Variants in EXT1 observed in about 807,000 individuals in gnomAD.
EXT1 encodes the protein exostosin-1.
Under a neutral mutation model 82.5 loss-of-function variants are expected in EXT1, and 20 were observed. The observed-to-expected ratio is 0.24, with a 90% confidence interval of 0.17 to 0.35. The LOEUF (loss-of-function observed/expected upper bound fraction) is 0.35. Among genes scored for constraint, EXT1 ranks in the 10% least tolerant of loss-of-function variants. EXT1 has a pLI of 1.00. For synonymous variants in EXT1, 348 were observed against 350.8 expected (o/e 0.99, Z 0.09); for missense variants, 757 against 936.5 (o/e 0.81, Z 2.50).
chr8:117,888,499 CTA>C (rs147810070), intron 1 of EXT1, among the ~76,000 whole-genome samples: 18 of 149,356 alleles, frequency 1.2e-4, no homozygotes, highest in Admixed American at 1.3e-4. Flanking sequence ...AGTCACACCA[CTA>C]TATATATATA....
At chr8:117,948,163 AAGAAATAT>A (rs1403496098) in intron 1 of EXT1, among the ~76,000 whole-genome samples, 1 of 152,174 alleles carries the variant, frequency 6.6e-6, no homozygotes, top group Non-Finnish European at 1.5e-5. Flanking sequence ...AAAAAAAAAT[AAGAAATAT>A]CTAAATACAT....
chr8:117,964,045 T>C (rs1161101197), intron 1 of EXT1, among the ~76,000 whole-genome samples: 1 of 152,212 alleles, frequency 6.6e-6, no homozygotes, highest in Admixed American at 6.5e-5. Flanking sequence ...AAATATGCAG[T>C]ATTAAGTAGA....
chr8:117,943,996 T>C (rs1285561899), intron 1 of EXT1, among the ~76,000 whole-genome samples: 3 of 152,216 alleles, frequency 2.0e-5, no homozygotes, highest in Admixed American at 6.5e-5. Context: ...TAGTTTCAAC[T>C]ACCTTTCTCA....
intron 1 of EXT1, among the ~76,000 whole-genome samples, chr8:117,877,129 T>G (rs1812985142): frequency 6.6e-6 from 1 of 152,220 alleles, no homozygotes; most frequent in East Asian, 1.9e-4. Flanking sequence ...GAGTATCTTT[T>G]GCACGCTGCT....
chr8:117,803,324 A>T (rs1823194307), intron 10 of EXT1, among the ~76,000 whole-genome samples: 2 of 151,926 alleles, frequency 1.3e-5, no homozygotes, highest in African/African-American at 4.8e-5. Context: ...CCACCCGAGT[A>T]AGCTGGGATT....
In EXT1 at chr8:117,799,841, G is replaced by A; in HGVS notation, c.2112C>T (p.Cys704=). The change falls in exon 11 of 11, where the codon TGC becomes TGT. Residue 704 remains cysteine (C), a synonymous_variant. Coordinates refer to ENST00000378204, the MANE Select transcript of EXT1 (RefSeq NM_000127.3). ...CAAACCAGCTGGCAAACGTATTCAT[G>A]CAGCTCTGTCGCTGGGCAAAGTGGT... The part of the protein sequence containing the change: ...DPDHFAQRQS[C]MNTFASWFGY... The A allele has an allele frequency of 6.2e-7, 1 of 1,614,184 alleles. No homozygotes were observed. Among genetic ancestry groups the A allele is most frequent in the South Asian group, 1.1e-5 (1 of 91,084 alleles).
chr8:117,797,297 A>G lies in EXT1; in HGVS notation c.*2415T>C, dbSNP rs565298944. The G allele has an allele frequency of 3.3e-5, 5 of 152,390 alleles. No homozygotes were observed. The highest frequency in any genetic ancestry group is 3.3e-4 in the Admixed American group (5 of 15,308). The allele number at this position is 152,390 out of a possible 1,614,324, so 9.4% of individuals were successfully genotyped here. A position where few individuals can be genotyped will look rare whatever the true frequency, so the allele number is the denominator to read the frequency against. On this transcript the variant is annotated 3_prime_UTR_variant, in exon 11 of 11. Transcript: ENST00000378204. ...AAGAGATTTGCTCAGAGAATGACAT[A>G]AAATGAAACTGTGGAGATTTAAAGT...
chr8:117,916,053 T>G (rs1813743074), intron 1 of EXT1, among the ~76,000 whole-genome samples: 1 of 152,148 alleles, frequency 6.6e-6, no homozygotes, highest in African/African-American at 2.4e-5. Flanking sequence ...CTGCTTTTTT[T>G]GGCATTTCAC....
intron 1 of EXT1, among the ~76,000 whole-genome samples, chr8:117,872,792 C>T (rs1209195186): frequency 7.2e-6 from 1 of 138,704 alleles, no homozygotes; most frequent in Non-Finnish European, 1.6e-5. Context: ...CAAAGATCTC[C>T]AAACACATAT....
chr8:117,892,769 TG>T (rs1471192489), intron 1 of EXT1, among the ~76,000 whole-genome samples: 3 of 152,186 alleles, frequency 2.0e-5, no homozygotes, highest in African/African-American at 7.2e-5. Context: ...TGGTAAGAAC[TG>T]GTTGAATGCT....
chr8:117,935,856 G>A (rs1210158293), intron 1 of EXT1, among the ~76,000 whole-genome samples: 1 of 152,152 alleles, frequency 6.6e-6, no homozygotes, highest in African/African-American at 2.4e-5. Context: ...AACACTAAGG[G>A]CAGGTATAAT....
intron 1 of EXT1, among the ~76,000 whole-genome samples, chr8:117,851,506 C>T (rs989849052): frequency 1.9e-4 from 29 of 150,836 alleles, no homozygotes; most frequent in Non-Finnish European, 3.2e-4. Context: ...TGCCACGTTT[C>T]GGATTTTTTT....
chr8:117,900,695 C>T lies in EXT1; in HGVS notation c.963-63494G>A, dbSNP rs541465791. Among the ~76,000 whole-genome samples, 13 of 152,292 alleles carry T rather than the reference C, an allele frequency of 8.5e-5. No individual in the cohort carries two copies. In the South Asian group the frequency reaches 2.1e-3, roughly 24 times the overall value. On this transcript the variant is annotated intron_variant, in intron 1 of 10. Coordinates refer to ENST00000378204, the MANE Select transcript of EXT1 (RefSeq NM_000127.3). Reference sequence around the variant, plus strand: ...AGAGGCATGGGGCCAGCCAGAGACCCAGCTTCCATAGCACAGGCTGCTGTT... The same window carrying T: ...AGAGGCATGGGGCCAGCCAGAGACCTAGCTTCCATAGCACAGGCTGCTGTT...
At chr8:117,909,099 T>A (rs1007039053) in intron 1 of EXT1, among the ~76,000 whole-genome samples, 7 of 150,612 alleles carry the variant, frequency 4.6e-5, no homozygotes, top group Admixed American at 1.3e-4. Context: ...GCCGTTGGAC[T>A]CCAGCCTGGT....
chr8:117,963,705 G>T (rs907457667), intron 1 of EXT1, among the ~76,000 whole-genome samples: 1 of 152,074 alleles, frequency 6.6e-6, no homozygotes, highest in Non-Finnish European at 1.5e-5. Context: ...GGCAAGGCTG[G>T]TCTCAAACTT....
intron 1 of EXT1, among the ~76,000 whole-genome samples, chr8:118,013,364 G>A (rs998720556): frequency 2.2e-4 from 34 of 152,002 alleles, no homozygotes; most frequent in African/African-American, 8.2e-4. Context: ...GCCCGTCACT[G>A]CGCCCAACTA....
Position 118,110,352 on chromosome 8 carries a change from A to G in EXT1, c.695T>C (p.Val232Ala), listed in dbSNP as rs1817873036. The G allele has an allele frequency of 6.2e-7, 1 of 1,614,052 alleles. No individual in the cohort carries two copies. The highest frequency in any genetic ancestry group is 8.5e-7 in the Non-Finnish European group (1 of 1,180,042). ...ATCCTTAGAAAAGAGGGGAATAGAA[A>G]CATCAAAGTTGGGTCGGAAGTTTTC... ...STENFRPNFDVSIPLFSKDHP... is the reference protein window; with the variant it reads ...STENFRPNFDASIPLFSKDHP... Residue 232 changes from valine to alanine, a missense_variant, in exon 1 of 11, where the codon GTT (valine) becomes GCT (alanine). Val to Ala is a moderately conservative substitution (Grantham distance 64). Around this residue, in one of 4 missense-constraint regions of EXT1, gnomAD observed 247 missense variants for 330.1 expected, o/e 0.75. Transcript: ENST00000378204.
intron 2 of EXT1, 140 bp from the exon 3 acceptor site, chr8:117,835,691 G>C (rs573454143): frequency 4.3e-6 from 3 of 695,876 alleles, no homozygotes; most frequent in Non-Finnish European, 7.8e-6. Context: ...CAGAAGGAAA[G>C]GAAGCTTTTA....
At chr8:117,915,828 C>T (rs10955840) in intron 1 of EXT1, among the ~76,000 whole-genome samples, 12,628 of 151,268 alleles carry the variant, frequency 0.083, 863 homozygotes, top group African/African-American at 0.19. Context: ...TGCATTCCAG[C>T]GTGGGTGACA....
Sources: gnomAD v4.1 joint callset for allele counts (sites outside exome capture counted in the v4.1 genomes callset) on GRCh38, gnomAD v4.1.1 for gene constraint, gnomAD v4.1.1 regional missense constraint, MANE v1.5 for transcripts, NCBI Gene and HGNC (gene_info 2026-07-23, HGNC 2026-07-21) for gene names.